PANX1: variants seen among roughly 807,000 people sequenced by gnomAD.
The protein encoded by PANX1 is pannexin-1.
PANX1 carries 30 observed loss-of-function variants against 38.7 expected under a neutral mutation model. The observed-to-expected ratio is 0.78, with a 90% CI of 0.58 to 1.05. The LOEUF (loss-of-function observed/expected upper bound fraction) is 1.05, where lower values mean the gene tolerates loss of function less well. Ranked by LOEUF, PANX1 falls within the 50% of genes least tolerant of loss-of-function variation. The probability of loss-of-function intolerance (pLI) is 0.00; values close to 1 mark genes in which losing one functional copy is unlikely to be tolerated. For synonymous variants in PANX1, 230 were observed against 212.2 expected (o/e 1.08, Z -0.73); for missense variants, 551 against 517.2 (o/e 1.07, Z -0.63).
chr11:94,159,697 T>C (rs540345271), intron 2 of PANX1, among the ~76,000 whole-genome samples: 2 of 152,042 alleles, frequency 1.3e-5, no homozygotes, highest in East Asian at 3.9e-4. Flanking sequence ...TTATTGGTTG[T>C]TTGAAGGGTT....
At chr11:94,168,348 C>T (rs1947125626) in intron 2 of PANX1, among the ~76,000 whole-genome samples, 1 of 151,850 alleles carries the variant, frequency 6.6e-6, no homozygotes. Flanking sequence ...GGGCTAAATG[C>T]TGGGGACAGC....
chr11:94,165,749 A>G (rs548467268), intron 2 of PANX1, among the ~76,000 whole-genome samples: 2 of 152,258 alleles, frequency 1.3e-5, no homozygotes, highest in South Asian at 4.1e-4. Context: ...TGTCCCTTCT[A>G]CACATACAAA....
chr11:94,134,450 G>A (rs951195805), intron 1 of PANX1, among the ~76,000 whole-genome samples: 1 of 152,138 alleles, frequency 6.6e-6, no homozygotes, highest in Admixed American at 6.5e-5. Flanking sequence ...AATTCCCTTA[G>A]TGTGCTGCAG....
At position 94,181,073 on chromosome 11, in the gene PANX1, C is replaced by A. The variant is rs537152305; in HGVS notation, c.*204C>A. The stretch of plus-strand genomic sequence containing the variant: ...GTTTATGAACTTCCCATAGGAAGCA[C>A]CTGAGAGATAGTAAACTGCAGCAAG... On this transcript the variant is annotated 3_prime_UTR_variant, in exon 5 of 5. Transcript: ENST00000227638. 5 of 554,498 alleles carry A rather than the reference C, an allele frequency of 9.0e-6. No homozygotes were observed. Among genetic ancestry groups the A allele is most frequent in the African/African-American group, 7.5e-5 (4 of 53,112 alleles). The allele number at this position is 554,498 out of a possible 1,614,324, so 34.3% of individuals were successfully genotyped here.
At chr11:94,133,656 C>CT (rs1425115850) in intron 1 of PANX1, among the ~76,000 whole-genome samples, 2 of 152,118 alleles carry the variant, frequency 1.3e-5, no homozygotes, top group Non-Finnish European at 2.9e-5. Context: ...TGTGCCTCCT[C>CT]TGAGATTCAG....
Position 94,129,081 on chromosome 11 carries a change from C to A in PANX1, c.-232C>A. The stretch of plus-strand genomic sequence containing the variant: ...GGGTGGAACCGCAGGAAGCGGAGCT[C>A]TCGGGTTCCCGCCCCGCCCCGCCCC... On this transcript the variant is annotated 5_prime_UTR_variant, in exon 1 of 5. Transcript: ENST00000227638. 1 of 395,278 alleles carries A rather than the reference C, an allele frequency of 2.5e-6. No individual in the cohort carries two copies. Among genetic ancestry groups the A allele is most frequent in the South Asian group, 4.1e-5 (1 of 24,494 alleles). The allele number at this position is 395,278 out of a possible 1,614,324, so 24.5% of individuals were successfully genotyped here. A position where few individuals can be genotyped will look rare whatever the true frequency, so the allele number is the denominator to read the frequency against.
intron 1 of PANX1, among the ~76,000 whole-genome samples, chr11:94,145,581 A>C (rs867969824): frequency 6.6e-6 from 1 of 152,206 alleles, no homozygotes; most frequent in African/African-American, 2.4e-5. Flanking sequence ...GATAGAAGAG[A>C]TTCCTTGCAG....
Position 94,129,443 on chromosome 11 carries a change from G to A in PANX1, c.131G>A (p.Gly44Glu). ...VDKMVTCIAVGLPLLLISLAF... is the reference protein window; with the variant it reads ...VDKMVTCIAVELPLLLISLAF... ...AAGATGGTCACGTGCATTGCGGTGG[G>A]GCTGCCCCTGCTGCTCATCTCGCTG... The change falls in exon 1 of 5, where the codon GGG becomes GAG. Residue 44 changes from glycine to glutamate, a missense_variant. Transcript: ENST00000227638. 2 of 1,613,750 alleles carry A rather than the reference G, an allele frequency of 1.2e-6. No individual in the cohort carries two copies. The highest frequency in any genetic ancestry group is 1.7e-6 in the Non-Finnish European group (2 of 1,179,774).
intron 1 of PANX1, among the ~76,000 whole-genome samples, chr11:94,141,743 A>G (rs758695133): frequency 5.3e-5 from 8 of 152,148 alleles, no homozygotes; most frequent in Admixed American, 2.0e-4. Context: ...CTGGGTTCCA[A>G]TTCTGGCATG....
intron 1 of PANX1, among the ~76,000 whole-genome samples, chr11:94,134,595 G>A (rs528081301): frequency 2.0e-5 from 3 of 152,150 alleles, no homozygotes; most frequent in Non-Finnish European, 4.4e-5. Flanking sequence ...GGACCTTCAT[G>A]ATGGGATGCC....
rs1946775300 is a variant in PANX1, at chr11:94,142,525, A to T, written c.182-10966A>T. Among the ~76,000 whole-genome samples, 2 of 152,192 alleles carry T rather than the reference A, an allele frequency of 1.3e-5. 1 individual carries two copies. Among genetic ancestry groups the T allele is most frequent in the South Asian group, 4.1e-4 (2 of 4,826 alleles). ...AATGGGCTGTCAGCTTTAAGGACTC[A>T]GTGTTTTCTTGCGCTGTTTTCCAAG... On this transcript the variant is annotated intron_variant, in intron 1 of 4. Transcript: ENST00000227638.
chr11:94,152,821 A>C (rs1003892165), intron 1 of PANX1, among the ~76,000 whole-genome samples: 5 of 152,220 alleles, frequency 3.3e-5, no homozygotes, highest in Non-Finnish European at 5.9e-5. Flanking sequence ...CAGAAGAGCG[A>C]GTGAACGGTA....
chr11:94,150,800 T>C lies in PANX1; in HGVS notation c.182-2691T>C, dbSNP rs146598081. 4.4e-3 allele frequency among the ~76,000 whole-genome samples: 672 copies of C among 152,306 alleles called. 4 individuals carry two copies. The highest frequency in any genetic ancestry group is 0.015 in the African/African-American group (637 of 41,570). On this transcript the variant is annotated intron_variant, in intron 1 of 4. Coordinates refer to ENST00000227638, the MANE Select transcript of PANX1 (RefSeq NM_015368.4). ...CTGGGGATTGATGTGTTTCTTTTTC[T>C]AGAAATGCCCTTGACCCTTCCCAGG...
chr11:94,136,141 A>T (rs1471706513), intron 1 of PANX1, among the ~76,000 whole-genome samples: 1 of 152,190 alleles, frequency 6.6e-6, no homozygotes, highest in Non-Finnish European at 1.5e-5. Context: ...CAGAAGGATG[A>T]CATCATTTTC....
intron 1 of PANX1, among the ~76,000 whole-genome samples, chr11:94,130,950 C>T (rs1202461871): frequency 1.3e-5 from 2 of 152,184 alleles, no homozygotes; most frequent in African/African-American, 4.8e-5. Context: ...TTTTAGTTTT[C>T]CTGCTCTTTG....
intron 2 of PANX1, among the ~76,000 whole-genome samples, chr11:94,164,838 T>C (rs552428566): frequency 6.6e-6 from 1 of 152,354 alleles, no homozygotes; most frequent in East Asian, 1.9e-4. Context: ...ATATTTTCTT[T>C]ATATATCTGA....
Position 94,179,785 on chromosome 11 carries a change from GTT to G in PANX1, c.731_732del (p.Phe244CysfsTer36). 6.2e-7 allele frequency: 1 copy of G among 1,614,136 alleles called. No individual in the cohort carries two copies. Among genetic ancestry groups the G allele is most frequent in the Non-Finnish European group, 8.5e-7 (1 of 1,180,008 alleles). On this transcript the variant is annotated frameshift_variant, in exon 4 of 5. Coordinates refer to ENST00000227638, the MANE Select transcript of PANX1 (RefSeq NM_015368.4). LOFTEE classifies it high-confidence loss of function. The stretch of plus-strand genomic sequence containing the variant: ...TCAGCCTCTCCTCACTCTCAGACGA[GTT>G]TGTGTGCAGCATCAAATCAGGGATC... Reference protein sequence around the residue: ...YFSLSSLSDEFVCSIKSGILR... With the variant: ...YFSLSSLSDEXVCSIKSGILR...
chr11:94,172,320 C>A (rs1320632762), intron 2 of PANX1, among the ~76,000 whole-genome samples: 1 of 151,830 alleles, frequency 6.6e-6, no homozygotes, highest in Non-Finnish European at 1.5e-5. Flanking sequence ...TTCTCAAATT[C>A]TCTGTGCATG....
Position 94,129,250 on chromosome 11 carries a change from CG to C in PANX1, c.-62del. On this transcript the variant is annotated 5_prime_UTR_variant, in exon 1 of 5. Coordinates refer to ENST00000227638, the MANE Select transcript of PANX1 (RefSeq NM_015368.4). Reference sequence around the variant, plus strand: ...CCGGCCGGTGACTGGGTGAAGGCGCCGCGCAGCTTTCCCGACGCCGGCTGTA... The same window carrying C: ...CCGGCCGGTGACTGGGTGAAGGCGCCCGCAGCTTTCCCGACGCCGGCTGTA... 6.9e-7 allele frequency: 1 copy of C among 1,455,384 alleles called. No homozygotes were observed. 90.2% of individuals were successfully genotyped at this position (1,455,384 alleles called of 1,614,324 possible). A position where few individuals can be genotyped will look rare whatever the true frequency, so the allele number is the denominator to read the frequency against.
Sources: allele counts gnomAD v4.1 joint callset (sites outside exome capture counted in the v4.1 genomes callset), GRCh38; gene constraint gnomAD v4.1.1; transcripts MANE v1.5; gene names NCBI Gene and HGNC (gene_info 2026-07-23, HGNC 2026-07-21).